Variants in EGFLAM observed in about 807,000 individuals in gnomAD.
EGFLAM encodes the protein EGF like, fibronectin type III and laminin G domains.
EGFLAM carries 79 observed loss-of-function variants against 113.1 expected under a neutral mutation model. That is an observed-to-expected ratio of 0.70 (90% CI 0.58 to 0.84). The LOEUF (loss-of-function observed/expected upper bound fraction) is 0.84. Ranked by LOEUF, EGFLAM falls within the 40% of genes least tolerant of loss-of-function variation. The pLI is 0.00. For missense variants in EGFLAM, 1,265 were observed against 1,291.6 expected (o/e 0.98, Z 0.32); for synonymous variants, 504 against 487.6 (o/e 1.03, Z -0.44).
chr5:38,339,801 C>T (rs543187599), intron 3 of EGFLAM, among the ~76,000 whole-genome samples: 1 of 152,294 alleles, frequency 6.6e-6, no homozygotes, highest in African/African-American at 2.4e-5. Context: ...GGAATAGATG[C>T]ACATTTCCAG....
chr5:38,287,499 G>A (rs1266999298), intron 1 of EGFLAM, among the ~76,000 whole-genome samples: 3 of 152,194 alleles, frequency 2.0e-5, no homozygotes, highest in Non-Finnish European at 4.4e-5. Flanking sequence ...AGCCTCCTGA[G>A]TAGCTGGGAC....
At chr5:38,355,971 G>A (rs1315897518) in intron 5 of EGFLAM, among the ~76,000 whole-genome samples, 2 of 152,050 alleles carry the variant, frequency 1.3e-5, no homozygotes, top group Non-Finnish European at 2.9e-5. Context: ...TGTTGGTCAG[G>A]CTGGTCTCAA....
intron 6 of EGFLAM, among the ~76,000 whole-genome samples, chr5:38,391,256 T>G (rs1740801794): frequency 6.6e-6 from 1 of 152,214 alleles, no homozygotes; most frequent in South Asian, 2.1e-4. Flanking sequence ...CCCTATTAAT[T>G]CGTAATGACA....
chr5:38,409,035 G>A lies in EGFLAM; in HGVS notation c.1280G>A (p.Cys427Tyr). The change falls in exon 10 of 22, where the codon TGT (cysteine) becomes TAT (tyrosine). Residue 427 changes from cysteine (C) to tyrosine (Y), a missense_variant. Physicochemically the swap from Cys to Tyr is radical, Grantham distance 194. Transcript: ENST00000322350. Reference sequence around the variant, plus strand: ...GCAGAGGATGGCTTACTGCTCTACTGTGGGGAGAACGAACACGGGAGGGGG... The same window carrying A: ...GCAGAGGATGGCTTACTGCTCTACTATGGGGAGAACGAACACGGGAGGGGG... ...AEAEDGLLLY[C>Y]GENEHGRGDF... The A allele has an allele frequency of 6.3e-7, 1 of 1,595,226 alleles. No individual in the cohort carries two copies. Among genetic ancestry groups the A allele is most frequent in the Admixed American group, 1.7e-5 (1 of 57,992 alleles).
chr5:38,361,628 A>T (rs1172971434), intron 5 of EGFLAM, among the ~76,000 whole-genome samples: 1 of 152,194 alleles, frequency 6.6e-6, no homozygotes, highest in Non-Finnish European at 1.5e-5. Context: ...ACTTAAAAAA[A>T]AAAAATCACC....
intron 6 of EGFLAM, among the ~76,000 whole-genome samples, chr5:38,382,258 A>G (rs2451011): frequency 0.23 from 35,305 of 152,186 alleles, 4,291 homozygotes; most frequent in Middle Eastern, 0.3. Context: ...ATCATAGTAC[A>G]TACACTTTTT....
Position 38,372,339 on chromosome 5 carries a change from C to T in EGFLAM, c.712+1877C>T, listed in dbSNP as rs1001338733. ...TGTATTTTTAGTAGAGACGGGGTTT[C>T]ACCACGTTGGCCAGGCTGGTCTCTT... On this transcript the variant is annotated intron_variant, in intron 6 of 21. Transcript: ENST00000322350. 1.1e-4 allele frequency among the ~76,000 whole-genome samples: 16 copies of T among 152,198 alleles called. No individual in the cohort carries two copies. In the Middle Eastern group the frequency reaches 0.01, roughly 98 times the overall value.
chr5:38,426,277 A>ACG (rs1742007335), intron 13 of EGFLAM, among the ~76,000 whole-genome samples: 1 of 152,162 alleles, frequency 6.6e-6, no homozygotes, highest in African/African-American at 2.4e-5. Flanking sequence ...ACATGGAAAC[A>ACG]CATGCACACA....
At chr5:38,457,061 G>T (rs1443254909) in intron 19 of EGFLAM, among the ~76,000 whole-genome samples, 2 of 152,170 alleles carry the variant, frequency 1.3e-5, no homozygotes, top group African/African-American at 2.4e-5. Flanking sequence ...TGGTATCGGG[G>T]TATCTGGGAA....
At position 38,396,807 on chromosome 5, in the gene EGFLAM, G is replaced by A. The variant is rs115842006; in HGVS notation, c.713-9319G>A. On this transcript the variant is annotated intron_variant, in intron 6 of 21. Coordinates refer to ENST00000322350, the MANE Select transcript of EGFLAM (RefSeq NM_152403.4). ...GGGTTTTCCTGCTGTGTTCACAGCC[G>A]CTTCTCCCATTATGCTTTGCCTATG... Among the ~76,000 whole-genome samples the A allele has an allele frequency of 7.2e-5, 11 of 152,318 alleles. No individual in the cohort carries two copies. In the East Asian group the frequency reaches 7.7e-4, roughly 11 times the overall value.
chr5:38,369,249 C>G (rs1740144810), intron 5 of EGFLAM, among the ~76,000 whole-genome samples: 1 of 152,104 alleles, frequency 6.6e-6, no homozygotes, highest in African/African-American at 2.4e-5. Context: ...CCCACTGTAT[C>G]CAAAATATAC....
At chr5:38,348,049 T>TGAGAGAGA (rs59761113) in intron 3 of EGFLAM, among the ~76,000 whole-genome samples, 2 of 147,702 alleles carry the variant, frequency 1.4e-5, no homozygotes, top group South Asian at 2.2e-4. Context: ...CCTTGGGTAA[T>TGAGAGAGA]GAGAGAGAGA....
intron 6 of EGFLAM, among the ~76,000 whole-genome samples, chr5:38,405,914 G>A (rs1741268952): frequency 6.6e-6 from 1 of 152,118 alleles, no homozygotes; most frequent in African/African-American, 2.4e-5. Context: ...GCTCTTTCTG[G>A]TTTCAGTTGG....
At chr5:38,285,489 G>T (rs1304606502) in intron 1 of EGFLAM, among the ~76,000 whole-genome samples, 1 of 152,220 alleles carries the variant, frequency 6.6e-6, no homozygotes, top group Non-Finnish European at 1.5e-5. Context: ...TGGGGGAGGT[G>T]ATGCACCAGG....
intron 3 of EGFLAM, among the ~76,000 whole-genome samples, chr5:38,347,561 C>CTAGGGAGT (rs1739506138): frequency 6.6e-6 from 1 of 151,998 alleles, no homozygotes; most frequent in Non-Finnish European, 1.5e-5. Flanking sequence ...AGGGGTGAGC[C>CTAGGGAGT]AGGCAGGAGT....
chr5:38,258,613 T>C lies in EGFLAM; in HGVS notation c.-142T>C. ...TCCTACCTCTTGGAACTACCCGTGTTTCCGGGCCCAGCCCTCGCAGCCCCC... is the reference window on the plus strand; with the variant it reads ...TCCTACCTCTTGGAACTACCCGTGTCTCCGGGCCCAGCCCTCGCAGCCCCC... On this transcript the variant is annotated 5_prime_UTR_variant, in exon 1 of 22. Coordinates refer to ENST00000322350, the MANE Select transcript of EGFLAM (RefSeq NM_152403.4). 1 of 934,652 alleles carries C rather than the reference T, an allele frequency of 1.1e-6. No homozygotes were observed. The highest frequency in any genetic ancestry group is 1.5e-5 in the South Asian group (1 of 67,508). The allele number at this position is 934,652 out of a possible 1,614,324, so 57.9% of individuals were successfully genotyped here.
Position 38,337,606 on chromosome 5 carries a change from G to A in EGFLAM, c.184G>A (p.Gly62Arg). 3.7e-6 allele frequency: 6 copies of A among 1,603,568 alleles called. No individual in the cohort carries two copies. The highest frequency in any genetic ancestry group is 4.3e-6 in the Non-Finnish European group (5 of 1,174,172). Residue 62 changes from glycine (G) to arginine (R), a missense_variant, in exon 2 of 22, where the codon GGA becomes AGA. Transcript: ENST00000322350. ...SIQWKMPRHP[G>R]SPILGYTVFY... ...CCAGTGGAAAATGCCAAGGCATCCT[G>A]GAAGTCCCATCCTTGGGTACACTGT... is the stretch of plus-strand genomic sequence containing the variant.
intron 3 of EGFLAM, among the ~76,000 whole-genome samples, chr5:38,344,138 C>T (rs138255927): frequency 1.8e-4 from 28 of 152,296 alleles, no homozygotes; most frequent in African/African-American, 5.8e-4. Context: ...TCAGAGACTT[C>T]AGTTCGGAAC....
chr5:38,430,408 A>G (rs889570834), intron 14 of EGFLAM, among the ~76,000 whole-genome samples: 33 of 152,228 alleles, frequency 2.2e-4, no homozygotes, highest in African/African-American at 5.8e-4. Flanking sequence ...AGGAATAAAT[A>G]AAACAATAAA....
Sources: gnomAD v4.1 joint callset for allele counts (sites outside exome capture counted in the v4.1 genomes callset) on GRCh38, gnomAD v4.1.1 for gene constraint, MANE v1.5 for transcripts, NCBI Gene and HGNC (gene_info 2026-07-23, HGNC 2026-07-21) for gene names.